DOK6: variants seen among roughly 807,000 people sequenced by gnomAD.
The protein encoded by DOK6 is downstream of tyrosine kinase 6.
In DOK6, 22 loss-of-function variants were observed where a neutral mutation model predicts 44.0. The ratio of observed to expected loss-of-function variants is 0.50; its 90% CI spans 0.36 to 0.71. DOK6 has a LOEUF of 0.71. Among genes scored for constraint, DOK6 ranks in the 30% least tolerant of loss-of-function variants. DOK6 has a pLI of 0.00. For missense variants in DOK6, 340 were observed against 416.4 expected (o/e 0.82, Z 1.60); for synonymous variants, 166 against 145.5 (o/e 1.14, Z -1.01).
intron 1 of DOK6, among the ~76,000 whole-genome samples, chr18:69,514,185 G>C (rs1030865348): frequency 2.0e-5 from 3 of 151,348 alleles, no homozygotes; most frequent in African/African-American, 7.3e-5. Context: ...ATTTCTCCAA[G>C]TACTTTTTAC....
intron 5 of DOK6, among the ~76,000 whole-genome samples, chr18:69,707,534 G>A (rs929186858): frequency 2.0e-5 from 3 of 152,034 alleles, no homozygotes; most frequent in African/African-American, 7.3e-5. Context: ...ATTTATCACT[G>A]TACCACTATT....
At chr18:69,501,899 AT>A (rs760127967) in intron 1 of DOK6, among the ~76,000 whole-genome samples, 47 of 152,242 alleles carry the variant, frequency 3.1e-4, no homozygotes, top group Non-Finnish European at 6.3e-4. Flanking sequence ...TTTCATTGTT[AT>A]TATGATCACA....
intron 1 of DOK6, among the ~76,000 whole-genome samples, chr18:69,482,194 G>T (rs928421589): frequency 3.3e-5 from 5 of 152,152 alleles, no homozygotes; most frequent in Non-Finnish European, 1.5e-5. Context: ...TCTGATGGTA[G>T]TTTCTTTTCC....
chr18:69,613,464 T>G (rs748538719), intron 3 of DOK6, among the ~76,000 whole-genome samples: 2 of 152,188 alleles, frequency 1.3e-5, no homozygotes, highest in African/African-American at 4.8e-5. Context: ...AACCCAAAGT[T>G]TGGTTAATAG....
intron 3 of DOK6, among the ~76,000 whole-genome samples, chr18:69,668,889 T>C (rs1555721810): frequency 6.6e-6 from 1 of 152,200 alleles, no homozygotes; most frequent in Non-Finnish European, 1.5e-5. Context: ...AAAAGTACTT[T>C]GTCAATGAAA....
chr18:69,774,212 G>A (rs1005023940), intron 7 of DOK6, among the ~76,000 whole-genome samples: 10 of 140,544 alleles, frequency 7.1e-5, no homozygotes, highest in Non-Finnish European at 9.2e-5. Flanking sequence ...GCAGCAACCC[G>A]GATAAGATTG....
intron 7 of DOK6, among the ~76,000 whole-genome samples, chr18:69,807,794 C>T (rs998642267): frequency 6.6e-6 from 1 of 151,184 alleles, no homozygotes; most frequent in Non-Finnish European, 1.5e-5. Flanking sequence ...ATAAATAAAG[C>T]AAATATTAAT....
At position 69,599,437 on chromosome 18, in the gene DOK6, G is replaced by A. The variant is rs1476211740; in HGVS notation, c.228G>A (p.Lys76=). ...KNITRLPRET[K]KHAVAIIFHD... ...TAACCAGACTGCCCCGAGAGACAAA[G>A]AAGCATGCGGTGGCAATCATCTTTC... The change falls in exon 3 of 8, where the codon AAG becomes AAA. Residue 76 remains lysine (K), a synonymous_variant. Coordinates refer to ENST00000382713, the MANE Select transcript of DOK6 (RefSeq NM_152721.6). The A allele has an allele frequency of 2.5e-6, 4 of 1,613,990 alleles. No individual in the cohort carries two copies. The highest frequency in any genetic ancestry group is 2.2e-5 in the East Asian group (1 of 44,872).
At position 69,401,307 on chromosome 18, in the gene DOK6, TG is replaced by T; in HGVS notation, c.66+1del. 1.9e-6 allele frequency: 3 copies of T among 1,559,108 alleles called. No homozygotes were observed. Among genetic ancestry groups the T allele is most frequent in the South Asian group, 1.2e-5 (1 of 84,780 alleles). On this transcript the variant is annotated frameshift_variant and splice_region_variant, in exon 1 of 8. Transcript: ENST00000382713. LOFTEE classifies it high-confidence loss of function. The part of the protein sequence containing the change: ...GYVKIRSRKL[G>X]IFRRCWLVFK... ...ACGTGAAAATCCGCAGCAGGAAGCT[TG>T]GGGTGAGTGGCTCGCTCGGCTTGCT...
chr18:69,822,903 T>G (rs1981620189), intron 7 of DOK6, among the ~76,000 whole-genome samples: 1 of 152,226 alleles, frequency 6.6e-6, no homozygotes, highest in South Asian at 2.1e-4. Context: ...TTCTCATACC[T>G]ATAGCATACA....
intron 4 of DOK6, among the ~76,000 whole-genome samples, chr18:69,692,653 A>G (rs899578667): frequency 1.3e-5 from 2 of 152,232 alleles, no homozygotes; most frequent in Non-Finnish European, 2.9e-5. Flanking sequence ...AAATTCTCCT[A>G]TTTAGAGTTG....
At position 69,595,339 on chromosome 18, in the gene DOK6, C is replaced by T. The variant is rs75555836; in HGVS notation, c.175-4045C>T. Among the ~76,000 whole-genome samples, 538 of 152,208 alleles carry T rather than the reference C, an allele frequency of 3.5e-3. 21 individuals are homozygous for T. The East Asian group carries it at 0.097, about 27-fold the overall frequency. On this transcript the variant is annotated intron_variant, in intron 2 of 7. Coordinates refer to ENST00000382713, the MANE Select transcript of DOK6 (RefSeq NM_152721.6). ...TTCTGTCAGACTTGTATAAGCTGAA[C>T]CAATTGAGATGACTGTGGGTTTGGC...
At chr18:69,426,708 T>C (rs902767471) in intron 1 of DOK6, among the ~76,000 whole-genome samples, 1 of 152,214 alleles carries the variant, frequency 6.6e-6, no homozygotes, top group African/African-American at 2.4e-5. Flanking sequence ...ATACCCATTT[T>C]TTCACTTTGT....
chr18:69,732,844 T>C (rs1978457523), intron 5 of DOK6, among the ~76,000 whole-genome samples: 2 of 152,190 alleles, frequency 1.3e-5, no homozygotes, highest in South Asian at 4.1e-4. Flanking sequence ...AAACCAAGAT[T>C]TCCTTGTAGG....
At chr18:69,545,117 A>T (rs922052393) in intron 1 of DOK6, among the ~76,000 whole-genome samples, 1 of 5,270 alleles carries the variant, frequency 1.9e-4, no homozygotes, top group Non-Finnish European at 6.2e-4. Context: ...GAGACACCAT[A>T]AAAAAAAAAA....
Position 69,426,502 on chromosome 18 carries a change from C to T in DOK6, c.66+25192C>T, listed in dbSNP as rs145279214. 9.0e-3 allele frequency among the ~76,000 whole-genome samples: 1,368 copies of T among 152,170 alleles called. 22 individuals carry two copies. Among genetic ancestry groups the T allele is most frequent in the African/African-American group, 0.03 (1,247 of 41,524 alleles). ...GTAAACTCAGATCACCTATGAAAGT[C>T]GTTTTATTTCTAATTTTCTAGGGGA... is the stretch of plus-strand genomic sequence containing the variant. On this transcript the variant is annotated intron_variant, in intron 1 of 7. Transcript: ENST00000382713.
At chr18:69,495,165 G>A (rs879749232) in intron 1 of DOK6, among the ~76,000 whole-genome samples, 5 of 152,228 alleles carry the variant, frequency 3.3e-5, no homozygotes, top group Admixed American at 2.0e-4. Flanking sequence ...CCCAGGGAAC[G>A]CAGTGGAAGC....
intron 1 of DOK6, among the ~76,000 whole-genome samples, chr18:69,406,740 A>G (rs1402337274): frequency 6.6e-6 from 1 of 152,238 alleles, no homozygotes; most frequent in Non-Finnish European, 1.5e-5. Context: ...AAACACGCAC[A>G]GTAATGGTGA....
rs747128300 is a variant in DOK6 at position 69,698,386 on chromosome 18, T to G, written c.410-18T>G. ...ACCTCTTTTCACTTAACCTTCTCCA[T>G]TCTTCGTCTCTTCACAGAGAGATTC... is the stretch of plus-strand genomic sequence containing the variant. On this transcript the variant is annotated intron_variant, in intron 4 of 7. Transcript: ENST00000382713. The G allele has an allele frequency of 1.3e-6, 2 of 1,593,050 alleles. No homozygotes were observed. Among genetic ancestry groups the G allele is most frequent in the African/African-American group, 1.3e-5 (1 of 74,474 alleles).
Sources: allele counts gnomAD v4.1 joint callset (sites outside exome capture counted in the v4.1 genomes callset), GRCh38; gene constraint gnomAD v4.1.1; transcripts MANE v1.5; gene names NCBI Gene and HGNC (gene_info 2026-07-23, HGNC 2026-07-21).